Variants in CSMD1 observed in about 807,000 individuals in gnomAD.
The protein encoded by CSMD1 is CUB and sushi domain-containing protein 1.
CSMD1 carries 213 observed loss-of-function variants against 417.5 expected under a neutral mutation model. The observed-to-expected ratio is 0.51, with a 90% CI of 0.46 to 0.57. The LOEUF is 0.57. Among genes scored for constraint, CSMD1 ranks in the 20% least tolerant of loss-of-function variants. The probability of loss-of-function intolerance (pLI) is 0.00; values close to 1 mark genes in which losing one functional copy is unlikely to be tolerated. For missense variants in CSMD1, 6,923 were observed against 4,529.7 expected, an observed-to-expected ratio of 1.53 and a Z score of -15.17; for synonymous variants, 2,862 against 1,736.8, an observed-to-expected ratio of 1.65 and a Z score of -16.11.
intron 5 of CSMD1, among the ~76,000 whole-genome samples, chr8:3,944,773 C>G (rs1429419355): frequency 6.6e-6 from 1 of 152,132 alleles, no homozygotes; most frequent in Non-Finnish European, 1.5e-5. Flanking sequence ...TCTTTTCTTA[C>G]AAATACCCAA....
chr8:4,079,775 A>C (rs1337473790), intron 3 of CSMD1, among the ~76,000 whole-genome samples: 1 of 152,144 alleles, frequency 6.6e-6, no homozygotes, highest in Non-Finnish European at 1.5e-5. Flanking sequence ...TTAATAACCC[A>C]TGTTCTCTTT....
At chr8:4,420,254 G>C (rs1434039911) in intron 2 of CSMD1, among the ~76,000 whole-genome samples, 189 bp from the exon 3 acceptor site, 4 of 152,070 alleles carry the variant, frequency 2.6e-5, no homozygotes, top group East Asian at 1.9e-4. Flanking sequence ...TCAAGTATGA[G>C]AATATGTTTA....
chr8:3,868,694 T>C (rs140453836), intron 5 of CSMD1, among the ~76,000 whole-genome samples: 13 of 152,288 alleles, frequency 8.5e-5, no homozygotes, highest in African/African-American at 2.9e-4. Context: ...GAATGCAGCG[T>C]TATCCTTCCT....
chr8:4,968,574 G>C (rs1412578594), intron 1 of CSMD1, among the ~76,000 whole-genome samples: 1 of 151,810 alleles, frequency 6.6e-6, no homozygotes, highest in African/African-American at 2.4e-5. Context: ...TTCCGGGCCT[G>C]AACCAAAGGA....
intron 7 of CSMD1, among the ~76,000 whole-genome samples, chr8:3,638,098 A>G (rs1206002549): frequency 6.6e-6 from 1 of 152,130 alleles, no homozygotes; most frequent in African/African-American, 2.4e-5. Context: ...CAAATCAAGG[A>G]GCTCAGATTT....
chr8:3,664,951 C>G (rs1449839345), intron 7 of CSMD1, among the ~76,000 whole-genome samples: 1 of 152,014 alleles, frequency 6.6e-6, no homozygotes, highest in Non-Finnish European at 1.5e-5. Context: ...TCAAAGATTT[C>G]AATACATTCT....
chr8:3,314,446 A>C (rs899187805), intron 23 of CSMD1, among the ~76,000 whole-genome samples: 1 of 152,164 alleles, frequency 6.6e-6, no homozygotes, highest in African/African-American at 2.4e-5. Flanking sequence ...CTAGTCTGCA[A>C]TTATTCAGGG....
chr8:4,157,589 G>T (rs766757324), intron 3 of CSMD1, among the ~76,000 whole-genome samples: 2 of 152,140 alleles, frequency 1.3e-5, no homozygotes, highest in Non-Finnish European at 2.9e-5. Flanking sequence ...CCCTCTGCCG[G>T]TCATGTAACA....
intron 3 of CSMD1, among the ~76,000 whole-genome samples, chr8:4,167,888 G>A (rs761434327): frequency 1.4e-4 from 21 of 152,200 alleles, no homozygotes; most frequent in African/African-American, 4.8e-4. Flanking sequence ...AGCACTTTGG[G>A]AGGCTGAGGC....
intron 3 of CSMD1, among the ~76,000 whole-genome samples, chr8:4,388,029 T>G (rs1803573799): frequency 6.6e-6 from 1 of 152,130 alleles, no homozygotes; most frequent in Non-Finnish European, 1.5e-5. Flanking sequence ...AAGCATCTAT[T>G]TTACCACATT....
intron 1 of CSMD1, among the ~76,000 whole-genome samples, chr8:4,783,257 G>A (rs1797241587): frequency 6.6e-6 from 1 of 152,162 alleles, no homozygotes; most frequent in Non-Finnish European, 1.5e-5. Flanking sequence ...TGTCAGAACA[G>A]GAAATCAAGA....
At chr8:4,040,316 A>C (rs1260892332) in intron 3 of CSMD1, among the ~76,000 whole-genome samples, 1 of 152,220 alleles carries the variant, frequency 6.6e-6, no homozygotes, top group South Asian at 2.1e-4. Flanking sequence ...AGTCGTTTAT[A>C]TATATTGAGT....
At chr8:3,959,363 A>T (rs946648819) in intron 5 of CSMD1, among the ~76,000 whole-genome samples, 1 of 152,132 alleles carries the variant, frequency 6.6e-6, no homozygotes, top group African/African-American at 2.4e-5. Context: ...GCTGGGTGTG[A>T]TGGCGCCAGC....
intron 3 of CSMD1, among the ~76,000 whole-genome samples, chr8:4,243,156 G>A (rs1056488066): frequency 1.3e-5 from 2 of 152,072 alleles, no homozygotes; most frequent in Non-Finnish European, 2.9e-5. Flanking sequence ...GGAGAGGAGG[G>A]AGAGTGCTTG....
chr8:3,233,067 G>C (rs963093708), intron 26 of CSMD1, among the ~76,000 whole-genome samples: 6 of 149,518 alleles, frequency 4.0e-5, no homozygotes, highest in South Asian at 2.1e-4. Context: ...TTATCAATTT[G>C]TTTGCTTATT....
At chr8:4,534,091 T>G (rs1450663034) in intron 2 of CSMD1, among the ~76,000 whole-genome samples, 2 of 152,182 alleles carry the variant, frequency 1.3e-5, no homozygotes, top group Non-Finnish European at 2.9e-5. Flanking sequence ...CTCAACAGAT[T>G]ATGTACACAT....
intron 23 of CSMD1, among the ~76,000 whole-genome samples, chr8:3,331,233 G>A (rs560201886): frequency 2.0e-3 from 187 of 94,122 alleles, no homozygotes; most frequent in African/African-American, 4.3e-3. Context: ...ACGAGACTCC[G>A]TCTCAAAAAA....
chr8:4,721,113 A>T (rs1809026421), intron 1 of CSMD1, among the ~76,000 whole-genome samples: 1 of 152,206 alleles, frequency 6.6e-6, no homozygotes, highest in Non-Finnish European at 1.5e-5. Context: ...AAGGCTTTGG[A>T]AACTTACAAA....
intron 3 of CSMD1, among the ~76,000 whole-genome samples, chr8:4,049,257 G>T (rs766088426): frequency 6.6e-6 from 1 of 151,900 alleles, no homozygotes; most frequent in Admixed American, 6.6e-5. Context: ...CTGGCATTTT[G>T]TATGAAATAA....
Sources: allele counts gnomAD v4.1 joint callset (sites outside exome capture counted in the v4.1 genomes callset), GRCh38; gene constraint gnomAD v4.1.1; transcripts MANE v1.5; gene names NCBI Gene and HGNC (gene_info 2026-07-23, HGNC 2026-07-21).